BRAF: variants seen among roughly 807,000 people sequenced by gnomAD.
BRAF encodes serine/threonine-protein kinase B-raf.
In BRAF, 16 loss-of-function variants were observed where a neutral mutation model predicts 104.6. The observed-to-expected ratio is 0.15, with a 90% CI of 0.10 to 0.23. The LOEUF (loss-of-function observed/expected upper bound fraction) is 0.23. Among genes scored for constraint, BRAF ranks in the 10% least tolerant of loss-of-function variants. The probability of loss-of-function intolerance (pLI) is 1.00; values close to 1 mark genes in which losing one functional copy is unlikely to be tolerated. For synonymous variants in BRAF, 310 were observed against 341.6 expected, an observed-to-expected ratio of 0.91 and a Z score of 1.02; for missense variants, 541 against 937.3, an observed-to-expected ratio of 0.58 and a Z score of 5.52.
chr7:140,919,359 C>T (rs1330773096), intron 1 of BRAF, among the ~76,000 whole-genome samples: 1 of 151,926 alleles, frequency 6.6e-6, no homozygotes, highest in Non-Finnish European at 1.5e-5. Flanking sequence ...GAGTTCAAAG[C>T]AATTTTTATA....
intron 2 of BRAF, chr7:140,836,360 C>T (rs1807339622): frequency 6.6e-6 from 1 of 151,864 alleles, no homozygotes; most frequent in East Asian, 1.9e-4. Context: ...GCCATGCTAT[C>T]AAGTCTGAAT....
chr7:140,909,665 G>T (rs1051483112), intron 1 of BRAF, among the ~76,000 whole-genome samples: 1 of 152,008 alleles, frequency 6.6e-6, no homozygotes, highest in Non-Finnish European at 1.5e-5. Flanking sequence ...ATAAAGTTCT[G>T]AACAAAAACT....
At chr7:140,802,116 A>G (rs1383628480) in intron 5 of BRAF, among the ~76,000 whole-genome samples, 2 of 152,122 alleles carry the variant, frequency 1.3e-5, no homozygotes, top group East Asian at 3.8e-4. Flanking sequence ...AAAGCAAGAA[A>G]TTGTGGCTAA....
intron 1 of BRAF, among the ~76,000 whole-genome samples, chr7:140,910,784 G>A (rs1292387673): frequency 2.0e-5 from 3 of 151,856 alleles, no homozygotes; most frequent in Non-Finnish European, 4.4e-5. Context: ...CAATCCTCCC[G>A]CCCTCAGCCT....
At chr7:140,748,351 T>C (rs1402535296) in intron 17 of BRAF, among the ~76,000 whole-genome samples, 1 of 152,154 alleles carries the variant, frequency 6.6e-6, no homozygotes, top group Non-Finnish European at 1.5e-5. Flanking sequence ...AATCTTTAGA[T>C]TGGTGATTCT....
intron 3 of BRAF, among the ~76,000 whole-genome samples, chr7:140,810,423 A>G (rs565290773): frequency 4.9e-4 from 74 of 152,214 alleles, no homozygotes; most frequent in African/African-American, 1.6e-3. Flanking sequence ...CACAAAAAGT[A>G]GCCGGGCAGA....
Position 140,721,694 on chromosome 7 carries a change from A to G in BRAF, c.*4800T>C. 1 of 1,533,170 alleles carries G rather than the reference A, an allele frequency of 6.5e-7. No homozygotes were observed. The highest frequency in any genetic ancestry group is 8.7e-7 in the Non-Finnish European group (1 of 1,145,618). 95.0% of individuals were successfully genotyped at this position (1,533,170 alleles called of 1,614,324 possible). On this transcript the variant is annotated 3_prime_UTR_variant, in exon 20 of 20. Coordinates refer to ENST00000644969, the MANE Select transcript of BRAF (RefSeq NM_001374258.1). ...CATCAGTAATCCATCCCAGTATAACATTTCAAGGATGTGCTGGAGACAATA... is the reference window on the plus strand; with the variant it reads ...CATCAGTAATCCATCCCAGTATAACGTTTCAAGGATGTGCTGGAGACAATA...
At chr7:140,883,055 C>A (rs1813132730) in intron 1 of BRAF, among the ~76,000 whole-genome samples, 1 of 148,892 alleles carries the variant, frequency 6.7e-6, no homozygotes. Flanking sequence ...AATAAAGGAC[C>A]TATCTTCTTC....
chr7:140,829,323 A>AT (rs1195068500), intron 3 of BRAF, among the ~76,000 whole-genome samples: 5 of 146,188 alleles, frequency 3.4e-5, no homozygotes, highest in Non-Finnish European at 7.5e-5. Context: ...AGCCTACTAG[A>AT]TTTTTCTTGA....
At chr7:140,857,883 C>T (rs1809979105) in intron 1 of BRAF, among the ~76,000 whole-genome samples, 2 of 152,002 alleles carry the variant, frequency 1.3e-5, no homozygotes, top group African/African-American at 2.4e-5. Flanking sequence ...CTTCAAAATT[C>T]CATAAAAATT....
chr7:140,822,750 C>G (rs541822398), intron 3 of BRAF, among the ~76,000 whole-genome samples: 7 of 152,324 alleles, frequency 4.6e-5, no homozygotes, highest in Admixed American at 6.5e-5. Context: ...ACAAATCTTT[C>G]TACGAACATA....
At chr7:140,752,163 CA>C (rs893545093) in intron 16 of BRAF, among the ~76,000 whole-genome samples, 9 of 151,864 alleles carry the variant, frequency 5.9e-5, no homozygotes, top group Admixed American at 3.9e-4. Flanking sequence ...TAACTATTAT[CA>C]AAAAAAAGTT....
intron 3 of BRAF, among the ~76,000 whole-genome samples, chr7:140,832,046 T>A (rs150324853): frequency 1.3e-5 from 2 of 152,346 alleles, no homozygotes; most frequent in Admixed American, 1.3e-4. Context: ...ATATTTTCCA[T>A]CTTCCAGGAA....
rs1291256778 is a variant in BRAF at position 140,884,427 on chromosome 7, ATATGTG to A, written c.139-34221_139-34216del. 6.8e-3 allele frequency among the ~76,000 whole-genome samples: 780 copies of A among 114,654 alleles called. 6 individuals carry two copies. The highest frequency in any genetic ancestry group is 8.3e-3 in the Non-Finnish European group (455 of 54,672). 75.2% of individuals were successfully genotyped at this position (114,654 alleles called of 152,430 possible). A position where few individuals can be genotyped will look rare whatever the true frequency, so the allele number is the denominator to read the frequency against. On this transcript the variant is annotated intron_variant, in intron 1 of 19. Coordinates refer to ENST00000644969, the MANE Select transcript of BRAF (RefSeq NM_001374258.1). The stretch of plus-strand genomic sequence containing the variant: ...TCAGGATCTCTTATATATATATAAG[ATATGTG>A]TGTGTGTGTGTGTGTGTGTGTGTGT...
intron 2 of BRAF, among the ~76,000 whole-genome samples, chr7:140,841,644 C>T (rs1046449005): frequency 2.0e-5 from 3 of 152,080 alleles, no homozygotes; most frequent in Non-Finnish European, 2.9e-5. Flanking sequence ...CACAAAAGGC[C>T]ACATAATATA....
chr7:140,756,496 T>C (rs1158123078), intron 14 of BRAF, among the ~76,000 whole-genome samples: 1 of 151,624 alleles, frequency 6.6e-6, no homozygotes, highest in East Asian at 1.9e-4. Flanking sequence ...AGGGGGACAC[T>C]AAAACGTAAT....
intron 3 of BRAF, among the ~76,000 whole-genome samples, chr7:140,816,275 A>C (rs1033076664): frequency 6.6e-6 from 1 of 152,224 alleles, no homozygotes; most frequent in African/African-American, 2.4e-5. Flanking sequence ...GTCTACACAG[A>C]AACTGAATGG....
At chr7:140,906,105 A>AAAAG (rs1563029467) in intron 1 of BRAF, among the ~76,000 whole-genome samples, 8 of 150,376 alleles carry the variant, frequency 5.3e-5, no homozygotes, top group African/African-American at 1.7e-4. Flanking sequence ...AAAAAAAAAA[A>AAAAG]AAAGAAATTA....
In BRAF at chr7:140,783,130, G is replaced by A. The variant is rs199927105; in HGVS notation, c.1325C>T (p.Pro442Leu). The A allele has an allele frequency of 6.2e-7, 1 of 1,614,042 alleles. No homozygotes were observed. The highest frequency in any genetic ancestry group is 2.2e-5 in the East Asian group (1 of 44,866). ...TAGTGAGCCAGGTAATGAGGCAGGGGGGGTAGCAGACAAACCTGTGGTTGA... is the reference window on the plus strand; with the variant it reads ...TAGTGAGCCAGGTAATGAGGCAGGGAGGGTAGCAGACAAACCTGTGGTTGA... ...RGSTTGLSATPPASLPGSLTN... is the reference protein window; with the variant it reads ...RGSTTGLSATLPASLPGSLTN... Residue 442 changes from proline to leucine, a missense_variant, in exon 11 of 20, where the codon CCC becomes CTC. Around this residue, in one of 10 missense-constraint regions of BRAF, gnomAD observed 109 missense variants for 143.9 expected, o/e 0.76. Transcript: ENST00000644969.
Sources: allele counts gnomAD v4.1 joint callset (sites outside exome capture counted in the v4.1 genomes callset), GRCh38; gene constraint gnomAD v4.1.1; regional missense constraint gnomAD v4.1.1; transcripts MANE v1.5; gene names NCBI Gene and HGNC (gene_info 2026-07-23, HGNC 2026-07-21).